ADARB1: variants seen among roughly 807,000 people sequenced by gnomAD.
ADARB1 encodes adenosine deaminase RNA specific B1.
In ADARB1, 10 loss-of-function variants were observed where a neutral mutation model predicts 52.4. The observed-to-expected ratio is 0.19, with a 90% CI of 0.12 to 0.32. The LOEUF is 0.32. ADARB1 is among the 10% of genes least tolerant of loss of function. The pLI is 1.00. For missense variants in ADARB1, 643 were observed against 922.3 expected (o/e 0.70, Z 3.92); for synonymous variants, 349 against 371.1 (o/e 0.94, Z 0.68).
intron 2 of ADARB1, chr21:45,145,761 C>G (rs896619576): frequency 6.6e-6 from 1 of 152,220 alleles, no homozygotes; most frequent in Non-Finnish European, 1.5e-5. Context: ...GGCAGGATCC[C>G]TCAACAAGCT....
At chr21:45,120,146 T>G (rs545368080) in intron 1 of ADARB1, among the ~76,000 whole-genome samples, 1 of 152,274 alleles carries the variant, frequency 6.6e-6, no homozygotes, top group East Asian at 1.9e-4. Context: ...TTAGTTGCAC[T>G]GAGAAAAGAA....
chr21:45,167,164 C>T (rs534103196), intron 2 of ADARB1, among the ~76,000 whole-genome samples: 1 of 152,204 alleles, frequency 6.6e-6, no homozygotes, highest in African/African-American at 2.4e-5. Flanking sequence ...CAGGTACTCA[C>T]CTGCCACCAC....
chr21:45,151,624 C>T (rs537106553), intron 2 of ADARB1, among the ~76,000 whole-genome samples: 15 of 152,278 alleles, frequency 9.9e-5, no homozygotes, highest in African/African-American at 3.6e-4. Context: ...AGACACAGGC[C>T]ATCTCAGGGG....
chr21:45,091,664 T>A (rs115500322), intron 1 of ADARB1, among the ~76,000 whole-genome samples: 2,147 of 152,264 alleles, frequency 0.014, 49 homozygotes, highest in African/African-American at 0.05. Flanking sequence ...AGGGGCAGGA[T>A]CCTGGTCACC....
rs1489484429 is a variant in ADARB1, at chr21:45,220,729, C to T, written c.1748-107C>T. On this transcript the variant is annotated intron_variant, in intron 9 of 10. Transcript: ENST00000348831. This position sits in a 1 kb window ranked among gnomAD's most constrained non-coding sequence, Gnocchi z 6.3. ...TTCCTCGGCAGGCAGAATTCCCCCA[C>T]CACGCACTTCTGTGGCCATGTCTGA... 15 of 1,210,224 alleles carry T rather than the reference C, an allele frequency of 1.2e-5. No individual in the cohort carries two copies. Among genetic ancestry groups the T allele is most frequent in the Middle Eastern group, 2.0e-4 (1 of 4,984 alleles). The allele number at this position is 1,210,224 out of a possible 1,614,324, so 75.0% of individuals were successfully genotyped here. A position where few individuals can be genotyped will look rare whatever the true frequency, so the allele number is the denominator to read the frequency against.
In ADARB1 at chr21:45,221,946, G is replaced by T; in HGVS notation, c.1927-72G>T. ...AATGCAGTTCTGAAGGCCATGTTTT[G>T]GTATCTTATTAGGTGTTGTTTTCAT... On this transcript the variant is annotated intron_variant, in intron 10 of 10. Coordinates refer to ENST00000348831, the MANE Select transcript of ADARB1 (RefSeq NM_001112.4). The surrounding 1 kb of genome is among the most constrained non-coding windows in gnomAD (Gnocchi z 4.9). The T allele has an allele frequency of 1.3e-6, 2 of 1,505,326 alleles. No individual in the cohort carries two copies. Among genetic ancestry groups the T allele is most frequent in the East Asian group, 2.3e-5 (1 of 43,800 alleles). The allele number at this position is 1,505,326 out of a possible 1,614,324, so 93.2% of individuals were successfully genotyped here. A position where few individuals can be genotyped will look rare whatever the true frequency, so the allele number is the denominator to read the frequency against.
intron 8 of ADARB1, among the ~76,000 whole-genome samples, chr21:45,188,612 TG>T (rs398121690): frequency 7.7e-3 from 301 of 39,080 alleles, no homozygotes; most frequent in South Asian, 0.028. Flanking sequence ...ATAGTTGAAT[TG>T]TTTTTTTTTT....
chr21:45,086,104 A>G (rs1382488743), intron 1 of ADARB1, among the ~76,000 whole-genome samples: 4 of 152,206 alleles, frequency 2.6e-5, no homozygotes, highest in African/African-American at 7.2e-5. Context: ...ACTGCTTGCT[A>G]TGTGTGAAGC....
chr21:45,088,311 A>G (rs996028905), intron 1 of ADARB1, among the ~76,000 whole-genome samples: 22 of 152,212 alleles, frequency 1.4e-4, no homozygotes, highest in African/African-American at 5.1e-4. Context: ...ACCTCTGATG[A>G]TGCTGGAAAT....
chr21:45,201,998 C>G (rs1024517864), intron 8 of ADARB1, among the ~76,000 whole-genome samples: 2 of 152,122 alleles, frequency 1.3e-5, no homozygotes, highest in Admixed American at 6.5e-5. Context: ...TGGCCAGAAG[C>G]TTGGGGACAG....
rs778979088 is a variant in ADARB1, at chr21:45,204,143, G to T, written c.1566-412G>T. On this transcript the variant is annotated intron_variant, in intron 8 of 10. Transcript: ENST00000348831. The surrounding 1 kb of genome is among the most constrained non-coding windows in gnomAD (Gnocchi z 4.4). ...AGAACGGCATACAGTTGAAAGTCTG[G>T]AAGTGTTTATTTCTGGAATTTTTCA... 6.6e-6 allele frequency among the ~76,000 whole-genome samples: 1 copy of T among 152,180 alleles called. No individual in the cohort carries two copies. Among genetic ancestry groups the T allele is most frequent in the African/African-American group, 2.4e-5 (1 of 41,436 alleles).
chr21:45,193,595 CTG>C (rs1314013162), intron 8 of ADARB1, among the ~76,000 whole-genome samples: 2 of 152,204 alleles, frequency 1.3e-5, no homozygotes, highest in Non-Finnish European at 2.9e-5. Context: ...AAAAGTAAAA[CTG>C]TCTTTATTTG....
intron 1 of ADARB1, among the ~76,000 whole-genome samples, chr21:45,086,529 C>T (rs2086351626): frequency 1.3e-5 from 2 of 152,318 alleles, no homozygotes; most frequent in Non-Finnish European, 2.9e-5. Context: ...GCTCAGGCAG[C>T]CTGCCTGCTG....
At chr21:45,114,155 G>A (rs2145767948) in intron 1 of ADARB1, among the ~76,000 whole-genome samples, 1 of 152,318 alleles carries the variant, frequency 6.6e-6, no homozygotes, top group East Asian at 1.9e-4. Flanking sequence ...TTACACCAGG[G>A]AAGGCTTGGA....
At chr21:45,162,778 A>G (rs2091042253) in intron 2 of ADARB1, among the ~76,000 whole-genome samples, 1 of 152,224 alleles carries the variant, frequency 6.6e-6, no homozygotes, top group Non-Finnish European at 1.5e-5. Flanking sequence ...ACAACCAAGA[A>G]GATGGGAGAG....
chr21:45,112,250 C>T (rs1002495493), intron 1 of ADARB1, among the ~76,000 whole-genome samples: 1 of 152,152 alleles, frequency 6.6e-6, no homozygotes, highest in Non-Finnish European at 1.5e-5. Context: ...TACTGGTTTT[C>T]CCCCTGAAAA....
chr21:45,111,030 G>A (rs390504), intron 1 of ADARB1, among the ~76,000 whole-genome samples: 119,921 of 152,026 alleles, frequency 0.79, 47,559 homozygotes, highest in South Asian at 0.86. Context: ...GACAATCAGG[G>A]TCTACCTGTG....
chr21:45,188,934 A>G (rs905019980), intron 8 of ADARB1, among the ~76,000 whole-genome samples: 1 of 152,240 alleles, frequency 6.6e-6, no homozygotes, highest in Non-Finnish European at 1.5e-5. Flanking sequence ...CCTCACAATC[A>G]TGGCAGAATG....
chr21:45,083,182 C>T (rs776005116), intron 1 of ADARB1, among the ~76,000 whole-genome samples: 10 of 152,234 alleles, frequency 6.6e-5, no homozygotes, highest in Admixed American at 1.3e-4. Flanking sequence ...TAGATAGACA[C>T]TTGTAAGCCT....
Sources: allele counts gnomAD v4.1 joint callset (sites outside exome capture counted in the v4.1 genomes callset), GRCh38; gene constraint gnomAD v4.1.1; non-coding constraint Gnocchi (gnomAD v3.1); transcripts MANE v1.5; gene names NCBI Gene and HGNC (gene_info 2026-07-23, HGNC 2026-07-21).